TIAM2: variants seen among roughly 807,000 people sequenced by gnomAD.
The protein encoded by TIAM2 is TIAM Rac1 associated GEF 2.
Under a neutral mutation model 152.9 loss-of-function variants are expected in TIAM2, and 80 were observed. The observed-to-expected ratio is 0.52, with a 90% confidence interval of 0.44 to 0.63. The LOEUF (loss-of-function observed/expected upper bound fraction) is 0.63, where lower values mean the gene tolerates loss of function less well. TIAM2 is among the 30% of genes least tolerant of loss of function. TIAM2 has a pLI of 0.00. For missense variants in TIAM2, 1,965 were observed against 2,120.1 expected, an observed-to-expected ratio of 0.93 and a Z score of 1.44; for synonymous variants, 804 against 838.0, an observed-to-expected ratio of 0.96 and a Z score of 0.70.
Position 155,228,284 on chromosome 6 carries a change from G to T in TIAM2, c.3169-12246G>T, listed in dbSNP as rs570568705. 3.3e-5 allele frequency among the ~76,000 whole-genome samples: 5 copies of T among 152,336 alleles called. No homozygotes were observed. The South Asian group carries it at 8.3e-4, about 25-fold the overall frequency. On this transcript the variant is annotated intron_variant, in intron 15 of 26. Coordinates refer to ENST00000682666, the MANE Select transcript of TIAM2 (RefSeq NM_012454.4). ...GGAAATTGGTGGCTAACGGAGATTT[G>T]TCAGAGCTCTAGTCTGTCAAGAATT...
intron 1 of TIAM2, among the ~76,000 whole-genome samples, chr6:155,085,188 C>T (rs1236742392): frequency 6.6e-6 from 1 of 152,140 alleles, no homozygotes; most frequent in African/African-American, 2.4e-5. Context: ...GATAAGCTGC[C>T]TAGCTGATAA....
rs139390948 is a variant in TIAM2, at chr6:155,162,807, G to T, written c.2029-1608G>T. ...GTAGGCCACCACGTTGCTAATAGGG[G>T]TATACAGGATCTTGAGTGAGGTTAA... is the stretch of plus-strand genomic sequence containing the variant. On this transcript the variant is annotated intron_variant, in intron 7 of 26. Transcript: ENST00000682666. 5.9e-5 allele frequency among the ~76,000 whole-genome samples: 9 copies of T among 152,198 alleles called. No individual in the cohort carries two copies. In the East Asian group the frequency reaches 9.6e-4, roughly 16 times the overall value.
At chr6:155,032,048 A>G (rs1218711522) in intron 1 of TIAM2, among the ~76,000 whole-genome samples, 2 of 152,198 alleles carry the variant, frequency 1.3e-5, no homozygotes, top group Non-Finnish European at 2.9e-5. Flanking sequence ...GAACCTCTCA[A>G]AGTATAGCGT....
At chr6:155,160,802 C>A (rs1780249731) in intron 7 of TIAM2, among the ~76,000 whole-genome samples, 1 of 151,904 alleles carries the variant, frequency 6.6e-6, no homozygotes, top group Non-Finnish European at 1.5e-5. Flanking sequence ...AAAAATCACT[C>A]CAGTCAGGAT....
chr6:154,999,072 A>T (rs1375129879), intron 1 of TIAM2, among the ~76,000 whole-genome samples: 1 of 152,100 alleles, frequency 6.6e-6, no homozygotes, highest in African/African-American at 2.4e-5. Context: ...AATGATGCAA[A>T]GTCCATTTGG....
At chr6:155,207,087 G>A (rs1781615779) in intron 14 of TIAM2, among the ~76,000 whole-genome samples, 1 of 152,194 alleles carries the variant, frequency 6.6e-6, no homozygotes, top group Admixed American at 6.5e-5. Flanking sequence ...GGGAGGGGCA[G>A]GATATACTTA....
At chr6:155,062,561 C>CT (rs1181493489) in intron 1 of TIAM2, among the ~76,000 whole-genome samples, 1 of 147,932 alleles carries the variant, frequency 6.8e-6, no homozygotes, top group Non-Finnish European at 1.5e-5. Flanking sequence ...CTAGTGGTTT[C>CT]TTTTTTTTCT....
chr6:155,100,761 A>G (rs1173391934), intron 2 of TIAM2, among the ~76,000 whole-genome samples: 5 of 152,174 alleles, frequency 3.3e-5, no homozygotes, highest in Non-Finnish European at 5.9e-5. Context: ...GATCCTTACA[A>G]TAGCTTGGGA....
intron 1 of TIAM2, among the ~76,000 whole-genome samples, chr6:155,071,610 G>A (rs1219615779): frequency 3.3e-5 from 5 of 152,166 alleles, no homozygotes. Flanking sequence ...ACACCTGAAA[G>A]TAAAGAATTA....
chr6:155,049,475 G>C (rs1403233814), intron 1 of TIAM2, among the ~76,000 whole-genome samples: 2 of 152,142 alleles, frequency 1.3e-5, no homozygotes, highest in African/African-American at 4.8e-5. Flanking sequence ...TGCCAAGCTT[G>C]CTCATTAGCA....
intron 1 of TIAM2, among the ~76,000 whole-genome samples, chr6:155,027,957 T>C (rs1776646522): frequency 8.0e-6 from 1 of 124,508 alleles, no homozygotes; most frequent in Non-Finnish European, 1.6e-5. Context: ...CTGTGTTACA[T>C]ATATACTATA....
intron 14 of TIAM2, among the ~76,000 whole-genome samples, chr6:155,202,131 A>C (rs922325367): frequency 6.6e-6 from 1 of 152,210 alleles, no homozygotes; most frequent in African/African-American, 2.4e-5. Flanking sequence ...CTCTTTGTTA[A>C]TGGTGCAGTT....
intron 14 of TIAM2, among the ~76,000 whole-genome samples, chr6:155,209,887 T>C (rs1781680831): frequency 6.6e-6 from 1 of 152,134 alleles, no homozygotes; most frequent in African/African-American, 2.4e-5. Context: ...CCTCCAGGGG[T>C]TCCCCTAGCT....
At chr6:155,017,439 C>T (rs140202905) in intron 1 of TIAM2, among the ~76,000 whole-genome samples, 2,023 of 151,040 alleles carry the variant, frequency 0.013, 60 homozygotes, top group Admixed American at 0.083. Flanking sequence ...GCAGCAGCTT[C>T]AGTGGTTGAT....
intron 1 of TIAM2, among the ~76,000 whole-genome samples, chr6:155,002,476 G>A (rs981384045): frequency 2.5e-4 from 38 of 152,090 alleles, no homozygotes; most frequent in African/African-American, 9.2e-4. Context: ...AGTTCACTAA[G>A]TGTTTTCTAT....
intron 15 of TIAM2, among the ~76,000 whole-genome samples, chr6:155,230,487 G>GGGGGGCAC (rs1782425401): frequency 6.6e-6 from 1 of 152,128 alleles, no homozygotes; most frequent in African/African-American, 2.4e-5. Flanking sequence ...TTCGGCACTG[G>GGGGGGCAC]TCACCTTTGA....
At chr6:155,084,888 A>G (rs1358551109) in intron 1 of TIAM2, among the ~76,000 whole-genome samples, 1 of 152,110 alleles carries the variant, frequency 6.6e-6, no homozygotes, top group African/African-American at 2.4e-5. Context: ...GGCTGGTGAA[A>G]ATTGTTATTT....
At chr6:155,021,498 G>A (rs780110888) in intron 1 of TIAM2, among the ~76,000 whole-genome samples, 2 of 152,134 alleles carry the variant, frequency 1.3e-5, no homozygotes, top group Non-Finnish European at 2.9e-5. Context: ...CTGACCTCAT[G>A]TGATCCGCCC....
At chr6:155,187,645 T>C (rs1425916998) in intron 14 of TIAM2, among the ~76,000 whole-genome samples, 1 of 138,302 alleles carries the variant, frequency 7.2e-6, no homozygotes, top group Non-Finnish European at 1.5e-5. Flanking sequence ...AATGGTGCAA[T>C]CTTGGCTCAC....
Sources: allele counts gnomAD v4.1 joint callset (sites outside exome capture counted in the v4.1 genomes callset), GRCh38; gene constraint gnomAD v4.1.1; transcripts MANE v1.5; gene names NCBI Gene and HGNC (gene_info 2026-07-23, HGNC 2026-07-21).